Variants in ASB2 observed in about 807,000 individuals in gnomAD.
The protein encoded by ASB2 is ankyrin repeat and SOCS box containing 2.
In ASB2, 58 loss-of-function variants were observed where a neutral mutation model predicts 62.4. The ratio of observed to expected loss-of-function variants is 0.93; its 90% CI spans 0.75 to 1.16. The LOEUF (loss-of-function observed/expected upper bound fraction) is 1.16, where lower values mean the gene tolerates loss of function less well. ASB2 is among the 50% of genes most tolerant of loss of function. ASB2 has a pLI of 0.00. For missense variants in ASB2, 928 were observed against 887.9 expected, an observed-to-expected ratio of 1.05 and a Z score of -0.57; for synonymous variants, 386 against 385.3, an observed-to-expected ratio of 1.00 and a Z score of -0.02.
chr14:93,935,738 G>A (rs951101815), intron 9 of ASB2, among the ~76,000 whole-genome samples: 2 of 152,208 alleles, frequency 1.3e-5, no homozygotes, highest in Non-Finnish European at 2.9e-5. Flanking sequence ...GTTGCCTAGC[G>A]AAGCATTCAC....
At chr14:93,954,895 C>T (rs1328027979) in intron 3 of ASB2, among the ~76,000 whole-genome samples, 2 of 152,124 alleles carry the variant, frequency 1.3e-5, no homozygotes, top group African/African-American at 4.8e-5. Context: ...CTCTCCTTGC[C>T]CTGTCGCTTA....
chr14:93,942,367 T>C (rs937121384), intron 7 of ASB2: 1 of 442,490 alleles, frequency 2.3e-6, no homozygotes, highest in African/African-American at 2.0e-5. Flanking sequence ...GCCTTTCCTG[T>C]CTGGGCCCTG....
At chr14:93,951,331 T>C in intron 5 of ASB2, 87 bp from the exon 6 acceptor site, 1 of 1,432,228 alleles carries the variant, frequency 7.0e-7, no homozygotes, top group Non-Finnish European at 9.4e-7. Flanking sequence ...GTCCATTCAC[T>C]CATCCACTCA....
At chr14:93,962,960 G>A (rs990491914) in intron 2 of ASB2, among the ~76,000 whole-genome samples, 1 of 152,206 alleles carries the variant, frequency 6.6e-6, no homozygotes, top group African/African-American at 2.4e-5. Flanking sequence ...GTTTCAGAAT[G>A]GAACGTCCTC....
At chr14:93,957,221 T>C in intron 2 of ASB2, 1 of 1,250,314 alleles carries the variant, frequency 8.0e-7, no homozygotes, top group South Asian at 2.2e-5. Flanking sequence ...TGAGCCGTGG[T>C]CGGCAGGTCC....
intron 2 of ASB2, among the ~76,000 whole-genome samples, chr14:93,962,982 A>G (rs1889461770): frequency 2.0e-5 from 3 of 152,204 alleles, no homozygotes; most frequent in Admixed American, 2.0e-4. Flanking sequence ...GGGGCAGCTT[A>G]GTAACCTGGA....
At chr14:93,958,491 G>A (rs533285318) in intron 2 of ASB2, among the ~76,000 whole-genome samples, 9 of 152,300 alleles carry the variant, frequency 5.9e-5, no homozygotes, top group African/African-American at 2.2e-4. Context: ...GACTGTCCCT[G>A]TGACTTTGGA....
Position 93,934,773 on chromosome 14 carries a change from A to G in ASB2, c.1791T>C (p.Ala597=). Residue 597 remains alanine, a synonymous_variant, in exon 10 of 10, where the codon GCT becomes GCC. Transcript: ENST00000555019. Reference sequence around the variant, plus strand: ...TTCGAACCCGCAGTCGGCAAAGGTGAGCCAGAGGTCTTGGAGGTTCTGAAA... The same window carrying G: ...TTCGAACCCGCAGTCGGCAAAGGTGGGCCAGAGGTCTTGGAGGTTCTGAAA... ...KEKAEPPRPL[A]HLCRLRVRKA... is the part of the protein sequence containing the mutation. 4.3e-6 allele frequency: 7 copies of G among 1,613,602 alleles called. No individual in the cohort carries two copies. The highest frequency in any genetic ancestry group is 5.9e-6 in the Non-Finnish European group (7 of 1,179,538).
At chr14:93,967,403 G>A (rs548005775) in intron 1 of ASB2, among the ~76,000 whole-genome samples, 1 of 152,356 alleles carries the variant, frequency 6.6e-6, no homozygotes, top group South Asian at 2.1e-4. Context: ...TAGGGGCTCA[G>A]TGCACATGGT....
At position 93,954,332 on chromosome 14, in the gene ASB2, T is replaced by C; in HGVS notation, c.463A>G (p.Lys155Glu). ...AAYYGQVGCL[K>E]VLQRAYPGTI... ...CAGCCCTCACCTCGCTGCAGGACTT[T>C]CAGGCAGCCCACCTGGCCATAGTAT... Residue 155 changes from lysine (K) to glutamate (E), a missense_variant, in exon 4 of 10, where the codon AAA (lysine) becomes GAA (glutamate). Coordinates refer to ENST00000555019, the MANE Select transcript of ASB2 (RefSeq NM_001202429.2). The C allele has an allele frequency of 1.2e-6, 2 of 1,613,610 alleles. No individual in the cohort carries two copies. The highest frequency in any genetic ancestry group is 1.3e-5 in the African/African-American group (1 of 75,046).
At chr14:93,971,454 G>A (rs1180134965) in intron 1 of ASB2, among the ~76,000 whole-genome samples, 1 of 152,234 alleles carries the variant, frequency 6.6e-6, no homozygotes, top group African/African-American at 2.4e-5. Flanking sequence ...GCCAACAAAT[G>A]ACAAGAGCAG....
rs538069257 is a variant in ASB2, at chr14:93,947,487, G to A, written c.914C>T (p.Ala305Val). Residue 305 changes from alanine (A) to valine (V), a missense_variant, in exon 7 of 10, where the codon GCG (alanine) becomes GTG (valine). Coordinates refer to ENST00000555019, the MANE Select transcript of ASB2 (RefSeq NM_001202429.2). ...CTTGCAGGCCTCGTAGAGGGCAGACGCGTTGTCGCTGGCCTGCGTGTTGAT... is the reference window on the plus strand; with the variant it reads ...CTTGCAGGCCTCGTAGAGGGCAGACACGTTGTCGCTGGCCTGCGTGTTGAT... ...ADINTQASDN[A>V]SALYEACKNE... The A allele has an allele frequency of 9.1e-5, 147 of 1,614,154 alleles. 1 individual carries two copies. The South Asian group carries it at 1.2e-3, about 14-fold the overall frequency.
chr14:93,946,840 G>T (rs538016161), intron 7 of ASB2, among the ~76,000 whole-genome samples: 7 of 152,324 alleles, frequency 4.6e-5, no homozygotes, highest in African/African-American at 1.7e-4. Context: ...TTGCATGCTT[G>T]CTAATTGCCT....
At position 93,965,756 on chromosome 14, in the gene ASB2, C is replaced by T. The variant is rs536093789; in HGVS notation, c.-73-1144G>A. Among the ~76,000 whole-genome samples the T allele has an allele frequency of 9.2e-5, 14 of 152,380 alleles. No individual in the cohort carries two copies. In the East Asian group the frequency reaches 2.3e-3, roughly 25 times the overall value. On this transcript the variant is annotated intron_variant, in intron 1 of 9. Coordinates refer to ENST00000555019, the MANE Select transcript of ASB2 (RefSeq NM_001202429.2). ...AAGGCAGATCTTTCCCCACCCTTCC[C>T]TGTTGATATGGGTCTCAATATGCAT...
intron 9 of ASB2, among the ~76,000 whole-genome samples, chr14:93,936,622 C>T (rs759154109): frequency 2.0e-5 from 3 of 152,248 alleles, no homozygotes; most frequent in Non-Finnish European, 2.9e-5. Flanking sequence ...CTTCCAGGCA[C>T]CTGTGCCAAT....
intron 2 of ASB2, among the ~76,000 whole-genome samples, chr14:93,960,692 T>C (rs1271051473): frequency 6.6e-6 from 1 of 152,170 alleles, no homozygotes; most frequent in Non-Finnish European, 1.5e-5. Context: ...CCTCATTTGA[T>C]CCTCATCAAA....
intron 3 of ASB2, among the ~76,000 whole-genome samples, chr14:93,955,958 C>A (rs1241315330): frequency 6.6e-6 from 1 of 152,182 alleles, no homozygotes; most frequent in Non-Finnish European, 1.5e-5. Context: ...TCCAGATTGT[C>A]AACCACTCCA....
At chr14:93,939,779 C>A (rs1257671908) in intron 7 of ASB2, 107 bp from the exon 8 acceptor site, 5 of 936,096 alleles carry the variant, frequency 5.3e-6, no homozygotes. Flanking sequence ...GCTGGTCGCC[C>A]TGACCGCGGG....
intron 8 of ASB2, 127 bp downstream of exon 8, chr14:93,938,981 T>C: frequency 1.2e-6 from 1 of 836,936 alleles, no homozygotes; most frequent in Non-Finnish European, 1.7e-6. Context: ...CCGAAGGGTG[T>C]TAATCACTAG....
Sources: gnomAD v4.1 joint callset for allele counts (sites outside exome capture counted in the v4.1 genomes callset) on GRCh38, gnomAD v4.1.1 for gene constraint, MANE v1.5 for transcripts, NCBI Gene and HGNC (gene_info 2026-07-23, HGNC 2026-07-21) for gene names.